Variants in LMO7 observed in about 807,000 individuals in gnomAD.
LMO7 encodes LIM domain 7.
LMO7 carries 120 observed loss-of-function variants against 206.5 expected under a neutral mutation model. The ratio of observed to expected loss-of-function variants is 0.58; its 90% CI spans 0.50 to 0.68. The LOEUF is 0.68. Ranked by LOEUF, LMO7 falls within the 30% of genes least tolerant of loss-of-function variation. LMO7 has a pLI of 0.00. For missense variants in LMO7, 1,959 were observed against 1,957.9 expected, an observed-to-expected ratio of 1.00 and a Z score of -0.01; for synonymous variants, 706 against 681.5, an observed-to-expected ratio of 1.04 and a Z score of -0.56.
At chr13:75,810,426 G>A (rs17065075) in intron 11 of LMO7, among the ~76,000 whole-genome samples, 5,698 of 152,232 alleles carry the variant, frequency 0.037, 135 homozygotes, top group Non-Finnish European at 0.053. Context: ...AGATGCCAAA[G>A]GTGTAACTGA....
intron 4 of LMO7, among the ~76,000 whole-genome samples, chr13:75,777,258 G>T (rs1017208056): frequency 2.2e-4 from 33 of 152,018 alleles, no homozygotes; most frequent in Non-Finnish European, 5.9e-5. Flanking sequence ...ATTATAGTTC[G>T]GATTTAGGAA....
intron 4 of LMO7, among the ~76,000 whole-genome samples, chr13:75,789,654 G>A (rs516359): frequency 0.014 from 2,152 of 152,252 alleles, 72 homozygotes; most frequent in African/African-American, 0.049. Flanking sequence ...GCTCCCTGCT[G>A]TCTGGGCCCA....
intron 1 of LMO7, among the ~76,000 whole-genome samples, chr13:75,658,904 T>C (rs2038310760): frequency 1.3e-5 from 2 of 152,186 alleles, no homozygotes; most frequent in African/African-American, 4.8e-5. Context: ...CTATATCTTC[T>C]AATTGGTTAG....
intron 1 of LMO7, among the ~76,000 whole-genome samples, chr13:75,690,243 TCTC>T (rs1294513536): frequency 3.3e-5 from 5 of 151,982 alleles, no homozygotes; most frequent in Non-Finnish European, 7.4e-5. Flanking sequence ...TGAGCCACCT[TCTC>T]CTCAGAAAAG....
intron 3 of LMO7, among the ~76,000 whole-genome samples, chr13:75,734,549 C>T (rs2045608894): frequency 6.6e-6 from 1 of 152,038 alleles, no homozygotes; most frequent in Non-Finnish European, 1.5e-5. Context: ...GTTAGCAATA[C>T]CAAAATTTCT....
At chr13:75,712,105 T>C (rs1007628612) in intron 1 of LMO7, among the ~76,000 whole-genome samples, 2 of 152,098 alleles carry the variant, frequency 1.3e-5, no homozygotes, top group African/African-American at 2.4e-5. Context: ...TGAAGATACA[T>C]AGGGATTCTA....
At chr13:75,798,692 A>C (rs752522171) in intron 6 of LMO7, among the ~76,000 whole-genome samples, 2 of 152,232 alleles carry the variant, frequency 1.3e-5, no homozygotes, top group Non-Finnish European at 2.9e-5. Flanking sequence ...CCATTTAACC[A>C]GATAATGCTT....
rs149473605 is a variant in LMO7, at chr13:75,802,422, C to T, written c.661+1540C>T. Reference sequence around the variant, plus strand: ...AAAAGCAGAGGCTGAAATTCTGAACCCGCTGTATTTCTTTTCCCTTACTGA... The same window carrying T: ...AAAAGCAGAGGCTGAAATTCTGAACTCGCTGTATTTCTTTTCCCTTACTGA... On this transcript the variant is annotated intron_variant, in intron 7 of 30. Transcript: ENST00000377534. 6.6e-5 allele frequency among the ~76,000 whole-genome samples: 10 copies of T among 152,256 alleles called. 1 individual carries two copies. The East Asian group carries it at 1.9e-3, about 29-fold the overall frequency.
chr13:75,760,927 C>T lies in LMO7; in HGVS notation c.211-5C>T, dbSNP rs1341956926. 1 of 1,612,910 alleles carries T rather than the reference C, an allele frequency of 6.2e-7. No homozygotes were observed. The highest frequency in any genetic ancestry group is 1.3e-5 in the African/African-American group (1 of 74,950). ...TAAGCAATCACTTTCCACTTCTTTTCACAGGATAATATAAACGTTTTCTTG... is the reference window on the plus strand; with the variant it reads ...TAAGCAATCACTTTCCACTTCTTTTTACAGGATAATATAAACGTTTTCTTG... On this transcript the variant is annotated splice_polypyrimidine_tract_variant and splice_region_variant and intron_variant, in intron 3 of 30. Coordinates refer to ENST00000377534, the MANE Select transcript of LMO7 (RefSeq NM_001306080.2).
intron 3 of LMO7, among the ~76,000 whole-genome samples, chr13:75,727,485 C>A (rs557300268): frequency 4.6e-5 from 7 of 151,984 alleles, no homozygotes; most frequent in African/African-American, 1.7e-4. Flanking sequence ...ATACCTTCTA[C>A]CTCAGATCCA....
At chr13:75,771,299 C>T (rs1378594126) in intron 4 of LMO7, among the ~76,000 whole-genome samples, 4 of 151,972 alleles carry the variant, frequency 2.6e-5, no homozygotes, top group Admixed American at 6.6e-5. Flanking sequence ...CAAATGTGGT[C>T]CTCTAACTGG....
At chr13:75,720,432 C>T (rs1457930398) in intron 2 of LMO7, among the ~76,000 whole-genome samples, 43 of 152,146 alleles carry the variant, frequency 2.8e-4, no homozygotes, top group Non-Finnish European at 2.9e-5. Context: ...AGACTTCCCC[C>T]TGTGTTTTCT....
intron 15 of LMO7, among the ~76,000 whole-genome samples, chr13:75,824,463 C>T (rs2057915956): frequency 6.6e-6 from 1 of 152,286 alleles, no homozygotes; most frequent in South Asian, 2.1e-4. Flanking sequence ...TATTCCACAA[C>T]ATTTGGAGTC....
At position 75,821,564 on chromosome 13, in the gene LMO7, T is replaced by A; in HGVS notation, c.2595T>A (p.Phe865Leu). 6.2e-7 allele frequency: 1 copy of A among 1,613,980 alleles called. No homozygotes were observed. ...CATCTGTGGTCACACCAAGACCCTT[T>A]GGCTCTCAGACAAGGGGAATCTCAT... ...RLTSVVTPRP[F>L]GSQTRGISSL... Residue 865 changes from phenylalanine (F) to leucine (L), a missense_variant, in exon 14 of 31, where the codon TTT becomes TTA. Coordinates refer to ENST00000377534, the MANE Select transcript of LMO7 (RefSeq NM_001306080.2).
At chr13:75,844,186 A>G (rs546373080) in intron 25 of LMO7, among the ~76,000 whole-genome samples, 109 of 152,162 alleles carry the variant, frequency 7.2e-4, no homozygotes, top group Non-Finnish European at 1.4e-3. Flanking sequence ...TAGAGGCATC[A>G]AGGAGTGTGG....
chr13:75,721,947 A>G (rs2044057705), intron 2 of LMO7, among the ~76,000 whole-genome samples: 1 of 152,214 alleles, frequency 6.6e-6, no homozygotes, highest in South Asian at 2.1e-4. Context: ...ACAAAAACAT[A>G]AAGTGGGGAA....
chr13:75,725,644 G>A (rs192810243), intron 2 of LMO7, among the ~76,000 whole-genome samples: 15 of 152,184 alleles, frequency 9.9e-5, no homozygotes, highest in Admixed American at 9.8e-4. Context: ...ATGTGGACAT[G>A]AAGGGAGAAA....
intron 15 of LMO7, among the ~76,000 whole-genome samples, chr13:75,829,914 T>C (rs925145455): frequency 6.6e-6 from 1 of 152,132 alleles, no homozygotes; most frequent in Non-Finnish European, 1.5e-5. Flanking sequence ...TTGAGGGAAA[T>C]TTTTTATCTT....
chr13:75,804,263 A>G (rs2055155389), intron 7 of LMO7, 26 bp from the exon 8 acceptor site: 2 of 1,602,704 alleles, frequency 1.2e-6, no homozygotes, highest in Non-Finnish European at 1.7e-6. Context: ...TGGAGAGTAA[A>G]GCAAATTCTT....
Sources: allele counts gnomAD v4.1 joint callset (sites outside exome capture counted in the v4.1 genomes callset), GRCh38; gene constraint gnomAD v4.1.1; transcripts MANE v1.5; gene names NCBI Gene and HGNC (gene_info 2026-07-23, HGNC 2026-07-21).